Variants in COL11A1 observed in about 807,000 individuals in gnomAD.
The protein encoded by COL11A1 is collagen alpha-1(XI) chain.
In COL11A1, 74 loss-of-function variants were observed where a neutral mutation model predicts 265.2. The observed-to-expected ratio is 0.28, with a 90% CI of 0.23 to 0.34. The LOEUF (loss-of-function observed/expected upper bound fraction) is 0.34, where lower values mean the gene tolerates loss of function less well. COL11A1 is among the 10% of genes least tolerant of loss of function. The pLI, the probability that COL11A1 is intolerant of heterozygous loss-of-function variation, is 1.00. For missense variants in COL11A1, 2,165 were observed against 2,263.6 expected, an observed-to-expected ratio of 0.96 and a Z score of 0.88; for synonymous variants, 816 against 727.6, an observed-to-expected ratio of 1.12 and a Z score of -1.96.
chr1:102,966,263 T>A (rs1661393598), intron 37 of COL11A1, among the ~76,000 whole-genome samples: 1 of 152,164 alleles, frequency 6.6e-6, no homozygotes, highest in Admixed American at 6.5e-5. Context: ...GAGAGTTAAG[T>A]TACTTTTAAC....
intron 62 of COL11A1, among the ~76,000 whole-genome samples, 155 bp from the exon 63 acceptor site, chr1:102,887,211 T>C (rs1408307876): frequency 2.6e-5 from 4 of 152,160 alleles, no homozygotes; most frequent in African/African-American, 9.7e-5. Context: ...TTTATAAATA[T>C]ATAAACGTCA....
chr1:102,951,749 TAAAATA>T (rs1197576416), intron 41 of COL11A1, among the ~76,000 whole-genome samples: 3 of 101,090 alleles, frequency 3.0e-5, no homozygotes, highest in African/African-American at 1.2e-4. Flanking sequence ...CTTAAAAAAA[TAAAATA>T]AAATAAAATA....
At chr1:102,910,940 T>G (rs1430262210) in intron 54 of COL11A1, among the ~76,000 whole-genome samples, 1 of 152,170 alleles carries the variant, frequency 6.6e-6, no homozygotes, top group Non-Finnish European at 1.5e-5. Flanking sequence ...CAAGGATGTT[T>G]TTTATAGTTA....
At chr1:103,038,519 A>G (rs1668556608) in intron 4 of COL11A1, among the ~76,000 whole-genome samples, 1 of 152,090 alleles carries the variant, frequency 6.6e-6, no homozygotes, top group South Asian at 2.1e-4. Flanking sequence ...ATAGTGCAGC[A>G]CATTAGAGGG....
intron 43 of COL11A1, 52 bp from the exon 44 acceptor site, chr1:102,939,140 G>A (rs775757079): frequency 2.2e-5 from 31 of 1,439,898 alleles, no homozygotes; most frequent in Non-Finnish European, 2.6e-5. Flanking sequence ...CTATTGCATT[G>A]TCTTAATTAT....
rs1174368802 is a variant in COL11A1 at position 102,876,653 on chromosome 1, T to G, written c.*1366A>C. On this transcript the variant is annotated 3_prime_UTR_variant, in exon 67 of 67. Coordinates refer to ENST00000370096, the MANE Select transcript of COL11A1 (RefSeq NM_001854.4). ...GAAACTGTTCCAGTGAAATCTGGTA[T>G]CAATTAATTTAACACTTTATATAAG... is the stretch of plus-strand genomic sequence containing the variant. 1 of 152,518 alleles carries G rather than the reference T, an allele frequency of 6.6e-6. No homozygotes were observed. The highest frequency in any genetic ancestry group is 1.5e-5 in the Non-Finnish European group (1 of 67,938). 9.4% of individuals were successfully genotyped at this position (152,518 alleles called of 1,614,324 possible). A position where few individuals can be genotyped will look rare whatever the true frequency, so the allele number is the denominator to read the frequency against.
chr1:103,019,604 A>AT (rs1666836844), intron 9 of COL11A1, among the ~76,000 whole-genome samples: 1 of 151,678 alleles, frequency 6.6e-6, no homozygotes, highest in African/African-American at 2.4e-5. Context: ...TTTTATTATT[A>AT]TACTTTAAGT....
At chr1:102,930,836 A>G (rs1439541495) in intron 46 of COL11A1, among the ~76,000 whole-genome samples, 1 of 150,840 alleles carries the variant, frequency 6.6e-6, no homozygotes, top group South Asian at 2.1e-4. Context: ...TGTATGTGTC[A>G]AGGAATTTAT....
At chr1:102,891,914 C>G (rs1233621840) in intron 57 of COL11A1, among the ~76,000 whole-genome samples, 1 of 151,968 alleles carries the variant, frequency 6.6e-6, no homozygotes, top group Non-Finnish European at 1.5e-5. Context: ...AACACAAAAA[C>G]ACACCACACT....
At chr1:103,029,893 C>T (rs1395144449) in intron 5 of COL11A1, among the ~76,000 whole-genome samples, 1 of 151,990 alleles carries the variant, frequency 6.6e-6, no homozygotes, top group Non-Finnish European at 1.5e-5. Flanking sequence ...TGCAAACCTC[C>T]CTTCTTCCAA....
chr1:103,015,567 A>G lies in COL11A1; in HGVS notation c.1488+101T>C. 6 of 908,446 alleles carry G rather than the reference A, an allele frequency of 6.6e-6. No individual in the cohort carries two copies. In the South Asian group the frequency reaches 7.8e-5, roughly 12 times the overall value. 56.3% of individuals were successfully genotyped at this position (908,446 alleles called of 1,614,324 possible). On this transcript the variant is annotated intron_variant, in intron 12 of 66. Transcript: ENST00000370096. ...ATTTCAAGTATTTCTACCTTGTACA[A>G]TGGTTTTTAGTTGATTGCTCTTCAA...
chr1:103,074,239 G>C (rs150816220), intron 4 of COL11A1, among the ~76,000 whole-genome samples: 2,191 of 152,078 alleles, frequency 0.014, 42 homozygotes, highest in African/African-American at 0.05. Flanking sequence ...ACAGAGGAAG[G>C]CAAAATATAT....
intron 8 of COL11A1, among the ~76,000 whole-genome samples, chr1:103,022,018 T>TTC (rs1453877578): frequency 6.7e-6 from 1 of 150,338 alleles, no homozygotes; most frequent in African/African-American, 2.4e-5. Context: ...AGCTAATTTT[T>TTC]TTTTTTTTTG....
rs545964515 is a variant in COL11A1 at position 102,923,845 on chromosome 1, T to C, written c.3601-456A>G. ...AGGTTATAAATATCTTCTGAATTTT[T>C]GACCTGTTAATTCAATTTCTGAATC... On this transcript the variant is annotated intron_variant, in intron 46 of 66. Coordinates refer to ENST00000370096, the MANE Select transcript of COL11A1 (RefSeq NM_001854.4). Among the ~76,000 whole-genome samples, 13 of 152,150 alleles carry C rather than the reference T, an allele frequency of 8.5e-5. No individual in the cohort carries two copies. The South Asian group carries it at 2.5e-3, about 29-fold the overall frequency.
At position 103,031,017 on chromosome 1, in the gene COL11A1, C is replaced by A. The variant is rs566932029; in HGVS notation, c.780+99G>T. 15 of 1,360,382 alleles carry A rather than the reference C, an allele frequency of 1.1e-5. No individual in the cohort carries two copies. In the South Asian group the frequency reaches 1.8e-4, roughly 17 times the overall value. 84.3% of individuals were successfully genotyped at this position (1,360,382 alleles called of 1,614,324 possible). A position where few individuals can be genotyped will look rare whatever the true frequency, so the allele number is the denominator to read the frequency against. ...AACACAATTAAAATACAAAGCATAG[C>A]TTAATTAAAATGGAATAAATAAGTA... On this transcript the variant is annotated intron_variant, in intron 5 of 66. Coordinates refer to ENST00000370096, the MANE Select transcript of COL11A1 (RefSeq NM_001854.4).
At chr1:103,031,545 G>T (rs1368088798) in intron 4 of COL11A1, among the ~76,000 whole-genome samples, 1 of 151,762 alleles carries the variant, frequency 6.6e-6, no homozygotes, top group African/African-American at 2.4e-5. Flanking sequence ...GCATGGTAAA[G>T]AACAAATAAA....
intron 4 of COL11A1, among the ~76,000 whole-genome samples, chr1:103,053,507 A>G (rs945646626): frequency 6.6e-6 from 1 of 152,218 alleles, no homozygotes; most frequent in Non-Finnish European, 1.5e-5. Context: ...AAGCTTGGTC[A>G]TAAATAATGT....
Position 103,021,774 on chromosome 1 carries a change from T to TGAATGAAATATTCAAAACAGCCTA in COL11A1, c.1246-29_1246-6dup, listed in dbSNP as rs771483025. On this transcript the variant is annotated splice_polypyrimidine_tract_variant and splice_region_variant and intron_variant, in intron 8 of 66. Coordinates refer to ENST00000370096, the MANE Select transcript of COL11A1 (RefSeq NM_001854.4). ...ATATGCACCATGGCCATTTATCTGT[T>TGAATGAAATATTCAAAACAGCCTA]GAATGAAATATTCAAAACAGCCTAA... 6.2e-7 allele frequency: 1 copy of TGAATGAAATATTCAAAACAGCCTA among 1,601,172 alleles called. No individual in the cohort carries two copies. Among genetic ancestry groups the TGAATGAAATATTCAAAACAGCCTA allele is most frequent in the Non-Finnish European group, 8.6e-7 (1 of 1,168,212 alleles).
At position 102,939,016 on chromosome 1, in the gene COL11A1, T is replaced by G; in HGVS notation, c.3438+19A>C. Reference sequence around the variant, plus strand: ...TGTTAAATAAATAATGTTCTCTCAGTAAGAAGTAGGAAACTCACATTTTCT... The same window carrying G: ...TGTTAAATAAATAATGTTCTCTCAGGAAGAAGTAGGAAACTCACATTTTCT... On this transcript the variant is annotated intron_variant, in intron 44 of 66. Transcript: ENST00000370096. 2 of 1,609,604 alleles carry G rather than the reference T, an allele frequency of 1.2e-6. No homozygotes were observed. The highest frequency in any genetic ancestry group is 1.7e-6 in the Non-Finnish European group (2 of 1,176,116).
Sources: allele counts gnomAD v4.1 joint callset (sites outside exome capture counted in the v4.1 genomes callset), GRCh38; gene constraint gnomAD v4.1.1; transcripts MANE v1.5; gene names NCBI Gene and HGNC (gene_info 2026-07-23, HGNC 2026-07-21).